STEAP1B: variants seen among roughly 807,000 people sequenced by gnomAD.
The protein encoded by STEAP1B is STEAP family protein MGC87042.
Under a neutral mutation model 27.9 loss-of-function variants are expected in STEAP1B, and 13 were observed. The ratio of observed to expected loss-of-function variants is 0.47; its 90% confidence interval spans 0.30 to 0.74. The LOEUF is 0.74. Ranked by LOEUF, STEAP1B falls within the 30% of genes least tolerant of loss-of-function variation. The probability of loss-of-function intolerance (pLI) is 0.06; values close to 1 mark genes in which losing one functional copy is unlikely to be tolerated. For missense variants in STEAP1B, 250 were observed against 298.7 expected (o/e 0.84, Z 1.20); for synonymous variants, 86 against 107.1 (o/e 0.80, Z 1.22).
chr7:22,459,128 C>G (rs1341557210), intron 4 of STEAP1B, among the ~76,000 whole-genome samples: 1 of 152,220 alleles, frequency 6.6e-6, no homozygotes, highest in Non-Finnish European at 1.5e-5. Context: ...GTTTGACACA[C>G]TCCATGCTGT....
rs568484444 is a variant in STEAP1B at position 22,471,766 on chromosome 7, G to T, written c.762+20799C>A. ...AATATTTTAAAAGTTAGCCAGATGT[G>T]GTGCTACATACTTGTAGTCCCAGCT... On this transcript the variant is annotated intron_variant, in intron 4 of 4. Transcript: ENST00000678116. Among the ~76,000 whole-genome samples, 282 of 152,016 alleles carry T rather than the reference G, an allele frequency of 1.9e-3. 1 individual carries two copies. The highest frequency in any genetic ancestry group is 6.6e-3 in the African/African-American group (273 of 41,468).
intron 4 of STEAP1B, among the ~76,000 whole-genome samples, chr7:22,467,468 C>T (rs1785804715): frequency 6.6e-6 from 1 of 152,180 alleles, no homozygotes; most frequent in African/African-American, 2.4e-5. Context: ...TAGTTAAATA[C>T]TGATATGGTT....
intron 4 of STEAP1B, among the ~76,000 whole-genome samples, chr7:22,444,562 C>T (rs1785381207): frequency 6.6e-6 from 1 of 152,216 alleles, no homozygotes; most frequent in South Asian, 2.1e-4. Flanking sequence ...GAGAAAATGT[C>T]CCATCGGCTG....
At chr7:22,434,753 G>T (rs912566752) in intron 4 of STEAP1B, among the ~76,000 whole-genome samples, 1 of 152,182 alleles carries the variant, frequency 6.6e-6, no homozygotes, top group Non-Finnish European at 1.5e-5. Flanking sequence ...TTAAACAAAT[G>T]ATTATATAAT....
intron 4 of STEAP1B, among the ~76,000 whole-genome samples, chr7:22,475,112 G>T (rs926234210): frequency 1.3e-5 from 2 of 152,156 alleles, no homozygotes; most frequent in African/African-American, 4.8e-5. Flanking sequence ...AGGCTTGAAG[G>T]CAGGGGTTCA....
intron 1 of STEAP1B, among the ~76,000 whole-genome samples, chr7:22,498,321 G>T (rs1179662787): frequency 2.6e-5 from 4 of 152,162 alleles, no homozygotes; most frequent in Admixed American, 6.5e-5. Context: ...CGCACTGGGG[G>T]TTACATTTCA....
At chr7:22,461,618 A>G (rs1038116386) in intron 4 of STEAP1B, among the ~76,000 whole-genome samples, 1 of 152,148 alleles carries the variant, frequency 6.6e-6, no homozygotes, top group African/African-American at 2.4e-5. Flanking sequence ...CCTTCCCCAA[A>G]GCAGTTACAG....
At chr7:22,456,008 C>A (rs3114725) in intron 4 of STEAP1B, among the ~76,000 whole-genome samples, 3 of 151,816 alleles carry the variant, frequency 2.0e-5, no homozygotes, top group African/African-American at 4.8e-5. Flanking sequence ...TTAGCTGGGC[C>A]TGGTGGTGAG....
At chr7:22,441,697 A>G (rs1015754093) in intron 4 of STEAP1B, among the ~76,000 whole-genome samples, 2 of 152,198 alleles carry the variant, frequency 1.3e-5, no homozygotes, top group African/African-American at 4.8e-5. Context: ...TTTCCTACAC[A>G]TAAAATAATG....
At chr7:22,429,276 T>C (rs1785148285) in intron 4 of STEAP1B, among the ~76,000 whole-genome samples, 1 of 152,130 alleles carries the variant, frequency 6.6e-6, no homozygotes, top group African/African-American at 2.4e-5. Flanking sequence ...TATCCAAATG[T>C]CCAACAACTA....
At chr7:22,454,258 A>G (rs909501242) in intron 4 of STEAP1B, among the ~76,000 whole-genome samples, 2 of 152,206 alleles carry the variant, frequency 1.3e-5, no homozygotes, top group Non-Finnish European at 2.9e-5. Flanking sequence ...CCCCTGCCTC[A>G]GGCCTAATCC....
At chr7:22,419,880 G>A (rs753533999) in intron 4 of STEAP1B, 44 bp from the exon 5 acceptor site, 142 of 1,534,072 alleles carry the variant, frequency 9.3e-5, no homozygotes, top group Non-Finnish European at 1.2e-4. Context: ...TAGAAGTAGT[G>A]ACTATCACTA....
intron 4 of STEAP1B, among the ~76,000 whole-genome samples, chr7:22,491,182 T>C (rs1411424804): frequency 3.9e-5 from 6 of 152,214 alleles, no homozygotes; most frequent in Admixed American, 3.9e-4. Context: ...TGGACTTTGG[T>C]TGAAGCTAGT....
chr7:22,466,870 T>C lies in STEAP1B; in HGVS notation c.762+25695A>G, dbSNP rs530129199. Reference sequence around the variant, plus strand: ...GTTCAGGTCCAAGCCCTGCACTTGCTGGCCATGAGATCTTGACCAAGTTAC... The same window carrying C: ...GTTCAGGTCCAAGCCCTGCACTTGCCGGCCATGAGATCTTGACCAAGTTAC... On this transcript the variant is annotated intron_variant, in intron 4 of 4. Coordinates refer to ENST00000678116, the MANE Select transcript of STEAP1B (RefSeq NM_001382447.1). 2.0e-5 allele frequency among the ~76,000 whole-genome samples: 3 copies of C among 152,356 alleles called. No individual in the cohort carries two copies. In the East Asian group the frequency reaches 5.8e-4, roughly 29 times the overall value.
intron 4 of STEAP1B, among the ~76,000 whole-genome samples, chr7:22,459,812 C>T (rs1310510690): frequency 6.6e-6 from 1 of 152,182 alleles, no homozygotes; most frequent in East Asian, 1.9e-4. Flanking sequence ...AATACCGCAC[C>T]CCACACCCTC....
intron 4 of STEAP1B, among the ~76,000 whole-genome samples, chr7:22,439,990 C>A (rs1785308264): frequency 6.6e-6 from 1 of 152,182 alleles, no homozygotes; most frequent in Non-Finnish European, 1.5e-5. Context: ...CTTTAAATAA[C>A]TACTTGGCAA....
intron 4 of STEAP1B, among the ~76,000 whole-genome samples, chr7:22,468,196 A>T (rs955372396): frequency 3.3e-5 from 5 of 152,144 alleles, no homozygotes; most frequent in African/African-American, 1.2e-4. Flanking sequence ...ATTTATACTA[A>T]AAAAATTTAT....
chr7:22,461,101 C>T (rs1016573116), intron 4 of STEAP1B, among the ~76,000 whole-genome samples: 1 of 152,106 alleles, frequency 6.6e-6, no homozygotes, highest in Admixed American at 6.5e-5. Flanking sequence ...TTGCTCATAC[C>T]ATCCATGGAC....
chr7:22,493,679 A>G lies in STEAP1B; in HGVS notation c.242T>C (p.Met81Thr). The G allele has an allele frequency of 1.2e-6, 2 of 1,614,040 alleles. No homozygotes were observed. The highest frequency in any genetic ancestry group is 8.5e-7 in the Non-Finnish European group (1 of 1,179,880). ...WHLPIKIAAVMASLTFLYTLL... is the reference protein window; with the variant it reads ...WHLPIKIAAVTASLTFLYTLL... ...AGTGTAAAGAAAAGTCAGAGATGCC[A>G]TAACAGCAGCTATTTTAATTGGCAA... is the stretch of plus-strand genomic sequence containing the variant. The change falls in exon 3 of 5, where the codon ATG (methionine) becomes ACG (threonine). Residue 81 changes from methionine (M) to threonine (T), a missense_variant. Met to Thr is a moderately conservative substitution (Grantham distance 81, BLOSUM62 -1). Coordinates refer to ENST00000678116, the MANE Select transcript of STEAP1B (RefSeq NM_001382447.1).
Sources: allele counts gnomAD v4.1 joint callset (sites outside exome capture counted in the v4.1 genomes callset), GRCh38; gene constraint gnomAD v4.1.1; transcripts MANE v1.5; gene names NCBI Gene and HGNC (gene_info 2026-07-23, HGNC 2026-07-21).